The following KCNAB2 variants were observed in gnomAD, a reference collection of about 807,000 sequenced individuals.
The protein encoded by KCNAB2 is voltage-gated potassium channel subunit beta-2.
KCNAB2 carries 29 observed loss-of-function variants against 63.6 expected under a neutral mutation model. The observed-to-expected ratio is 0.46, with a 90% CI of 0.34 to 0.62. KCNAB2 has a LOEUF of 0.62. KCNAB2 is among the 20% of genes least tolerant of loss of function. The pLI, the probability that KCNAB2 is intolerant of heterozygous loss-of-function variation, is 0.01. For synonymous variants in KCNAB2, 222 were observed against 224.2 expected, an observed-to-expected ratio of 0.99 and a Z score of 0.09; for missense variants, 359 against 563.9, an observed-to-expected ratio of 0.64 and a Z score of 3.68.
chr1:6,010,921 G>A (rs569779501), intron 1 of KCNAB2, among the ~76,000 whole-genome samples: 1 of 152,336 alleles, frequency 6.6e-6, no homozygotes, highest in South Asian at 2.1e-4. Context: ...CTCTGCAGGC[G>A]AGCAGCCTGC....
chr1:6,047,135 G>A (rs904025693), intron 1 of KCNAB2, among the ~76,000 whole-genome samples: 1 of 152,166 alleles, frequency 6.6e-6, no homozygotes, highest in Non-Finnish European at 1.5e-5. Flanking sequence ...AGGGCTCAGA[G>A]ACCCTCACTC....
chr1:6,011,079 G>C (rs1032079552), intron 1 of KCNAB2, among the ~76,000 whole-genome samples: 1 of 152,212 alleles, frequency 6.6e-6, no homozygotes, highest in Non-Finnish European at 1.5e-5. Flanking sequence ...TGGGTGACCC[G>C]TTCAGACCTG....
At chr1:6,094,323 G>A in intron 10 of KCNAB2, 77 bp from the exon 11 acceptor site, 3 of 1,078,510 alleles carry the variant, frequency 2.8e-6, no homozygotes, top group African/African-American at 1.6e-5. Context: ...CGTCCTGCCT[G>A]TATTTGCAGA....
At position 5,994,137 on chromosome 1, in the gene KCNAB2, A is replaced by G. The variant is rs1185447789; in HGVS notation, c.-53+1349A>G. On this transcript the variant is annotated intron_variant, in intron 1 of 16. Coordinates refer to the KCNAB2 transcript ENST00000341524. The surrounding 1 kb of genome is among the most constrained non-coding windows in gnomAD (Gnocchi z 5.4). ...CAGCTGTCCCACTGTCTGTCGTTTCAGGATTTTTTCTTTCTCTGCAACTTC... is the reference window on the plus strand; with the variant it reads ...CAGCTGTCCCACTGTCTGTCGTTTCGGGATTTTTTCTTTCTCTGCAACTTC... Among the ~76,000 whole-genome samples the G allele has an allele frequency of 6.6e-6, 1 of 152,204 alleles. No individual in the cohort carries two copies. Among genetic ancestry groups the G allele is most frequent in the Admixed American group, 6.5e-5 (1 of 15,282 alleles).
intron 10 of KCNAB2, among the ~76,000 whole-genome samples, chr1:6,093,893 C>T (rs1439861920): frequency 2.6e-5 from 4 of 152,198 alleles, no homozygotes; most frequent in Non-Finnish European, 5.9e-5. Flanking sequence ...CTTATCCAGC[C>T]CACTCTCTGT....
At chr1:6,053,041 C>A (rs1236461847) in intron 2 of KCNAB2, among the ~76,000 whole-genome samples, 1 of 152,090 alleles carries the variant, frequency 6.6e-6, no homozygotes, top group Admixed American at 6.6e-5. Flanking sequence ...TTTGGTCCTT[C>A]AGCCCATTGT....
chr1:6,058,629 G>A (rs1662043862), intron 2 of KCNAB2, among the ~76,000 whole-genome samples: 1 of 152,240 alleles, frequency 6.6e-6, no homozygotes, highest in South Asian at 2.1e-4. Context: ...CGCTGTCCAG[G>A]CACCTGGACT....
chr1:6,063,409 A>C (rs887270286), intron 2 of KCNAB2, among the ~76,000 whole-genome samples: 13 of 137,734 alleles, frequency 9.4e-5, no homozygotes, highest in African/African-American at 3.4e-4. Context: ...TGTGCCAGTA[A>C]TTTTTTTTTT....
Position 6,087,617 on chromosome 1 carries a change from G to A in KCNAB2, c.470+106G>A. 8.3e-7 allele frequency: 1 copy of A among 1,210,020 alleles called. No homozygotes were observed. Among genetic ancestry groups the A allele is most frequent in the Non-Finnish European group, 1.2e-6 (1 of 823,364 alleles). The allele number at this position is 1,210,020 out of a possible 1,614,324, so 75.0% of individuals were successfully genotyped here. A position where few individuals can be genotyped will look rare whatever the true frequency, so the allele number is the denominator to read the frequency against. ...AGGCTCCTGGGGTGGCGGGAGGACAGTCCTCCTTGAGAAGGGAGAGTGGTC... is the reference window on the plus strand; with the variant it reads ...AGGCTCCTGGGGTGGCGGGAGGACAATCCTCCTTGAGAAGGGAGAGTGGTC... On this transcript the variant is annotated intron_variant, in intron 7 of 15. Transcript: ENST00000378083. This position sits in a 1 kb window ranked among gnomAD's most constrained non-coding sequence, Gnocchi z 6.4.
At chr1:6,030,803 G>A (rs1659564252), upstream of KCNAB2, among the ~76,000 whole-genome samples, 1 of 138,178 alleles carries the variant, frequency 7.2e-6, no homozygotes, top group African/African-American at 2.7e-5. Flanking sequence ...TAGGTGTGTA[G>A]GTGTGTGTGT....
Position 6,080,014 on chromosome 1 carries a change from T to C in KCNAB2, c.301-2181T>C, listed in dbSNP as rs1011431673. Reference sequence around the variant, plus strand: ...GTGAAAAAATCAAAGTGCAGAAACATATGGGTAGTGTGCCACCCCTCCTGG... The same window carrying C: ...GTGAAAAAATCAAAGTGCAGAAACACATGGGTAGTGTGCCACCCCTCCTGG... On this transcript the variant is annotated intron_variant, in intron 4 of 15. Transcript: ENST00000378083. Among the ~76,000 whole-genome samples, 15 of 152,294 alleles carry C rather than the reference T, an allele frequency of 9.8e-5. No individual in the cohort carries two copies. In the Middle Eastern group the frequency reaches 0.01, roughly 104 times the overall value.
At chr1:6,089,135 AC>A (rs976115457) in intron 8 of KCNAB2, 84 bp downstream of exon 8, 31 of 1,396,858 alleles carry the variant, frequency 2.2e-5, no homozygotes, top group Middle Eastern at 2.4e-4. Context: ...ACAGGGCCCG[AC>A]CCCCCCAGTT....
intron 12 of KCNAB2, 22 bp downstream of exon 12, chr1:6,095,465 G>GCGGCC: frequency 2.5e-6 from 4 of 1,586,080 alleles, no homozygotes; most frequent in Non-Finnish European, 3.5e-6. Context: ...CGGGCCCCTC[G>GCGGCC]CCCCGCCCCA....
chr1:6,040,771 C>T (rs1036955302), intron 2 of KCNAB2: 2 of 628,524 alleles, frequency 3.2e-6, no homozygotes, highest in Non-Finnish European at 2.9e-6. Flanking sequence ...AGGCTTCTGC[C>T]TTCCACGGGG....
intron 1 of KCNAB2, among the ~76,000 whole-genome samples, chr1:6,022,708 C>CT (rs1256143464): frequency 6.6e-6 from 1 of 152,080 alleles, no homozygotes; most frequent in African/African-American, 2.4e-5. Flanking sequence ...CGTGACTACT[C>CT]TAGGGACCTC....
At chr1:5,992,869 C>T (rs1317208130) in intron 1 of KCNAB2, 1 of 152,230 alleles carries the variant, frequency 6.6e-6, no homozygotes, top group African/African-American at 2.4e-5. Context: ...CCGCGAGGCC[C>T]GCGCTGCGGC....
chr1:6,096,820 T>C lies in KCNAB2; in HGVS notation c.1069+64T>C. The C allele has an allele frequency of 6.8e-7, 1 of 1,480,484 alleles. No homozygotes were observed. The highest frequency in any genetic ancestry group is 9.0e-7 in the Non-Finnish European group (1 of 1,106,690). The allele number at this position is 1,480,484 out of a possible 1,614,324, so 91.7% of individuals were successfully genotyped here. On this transcript the variant is annotated intron_variant, in intron 14 of 15. Coordinates refer to ENST00000378083, the MANE Select transcript of KCNAB2 (RefSeq NM_001199862.2). The surrounding 1 kb of genome is among the most constrained non-coding windows in gnomAD (Gnocchi z 5.9). The stretch of plus-strand genomic sequence containing the variant: ...AGAACCTGCCCCAGCTGGCCGTAGG[T>C]AACAGGGTGGGGTTGCCATGGGGCC...
intron 11 of KCNAB2, 139 bp from the exon 12 acceptor site, chr1:6,095,184 G>A (rs1304682741): frequency 8.1e-6 from 7 of 869,506 alleles, no homozygotes; most frequent in East Asian, 8.0e-5. Flanking sequence ...AGCTATGAGT[G>A]TGAGCAGTGG....
At chr1:6,042,563 C>T (rs1369221206), upstream of KCNAB2, among the ~76,000 whole-genome samples, 1 of 152,132 alleles carries the variant, frequency 6.6e-6, no homozygotes, top group Admixed American at 6.5e-5. Flanking sequence ...GTTCTTGGTG[C>T]AGCCTCCAAC....
Sources: gnomAD v4.1 joint callset for allele counts (sites outside exome capture counted in the v4.1 genomes callset) on GRCh38, gnomAD v4.1.1 for gene constraint, Gnocchi (gnomAD v3.1) non-coding constraint, MANE v1.5 for transcripts, NCBI Gene and HGNC (gene_info 2026-07-23, HGNC 2026-07-21) for gene names.